The following ARHGAP27 variants were observed in gnomAD, a reference collection of about 807,000 sequenced individuals.
The protein encoded by ARHGAP27 is Rho GTPase activating protein 27.
ARHGAP27 carries 53 observed loss-of-function variants against 102.0 expected under a neutral mutation model. That is an observed-to-expected ratio of 0.52 (90% CI 0.42 to 0.65). ARHGAP27 has a LOEUF of 0.65. ARHGAP27 is among the 30% of genes least tolerant of loss of function. The pLI is 0.00. For synonymous variants in ARHGAP27, 525 were observed against 542.8 expected (o/e 0.97, Z 0.46); for missense variants, 1,117 against 1,256.2 (o/e 0.89, Z 1.68).
chr17:45,406,131 A>T, intron 4 of ARHGAP27, 48 bp from the exon 5 acceptor site: 1 of 1,473,296 alleles, frequency 6.8e-7, no homozygotes, highest in Non-Finnish European at 9.0e-7. Context: ...AACCTTCCAA[A>T]ATGGTAACAG....
intron 4 of ARHGAP27, among the ~76,000 whole-genome samples, chr17:45,428,215 C>T (rs1489507262): frequency 6.6e-6 from 1 of 152,264 alleles, no homozygotes; most frequent in South Asian, 2.1e-4. Context: ...CGCCGGGTGC[C>T]GTTCCCCACC....
chr17:45,416,680 T>A (rs1276411232), intron 4 of ARHGAP27, among the ~76,000 whole-genome samples: 1 of 151,414 alleles, frequency 6.6e-6, no homozygotes, highest in African/African-American at 2.4e-5. Context: ...CCAGAGTAGC[T>A]GGGATCACAG....
At chr17:45,398,366 C>A (rs1017303810) in intron 12 of ARHGAP27, among the ~76,000 whole-genome samples, 5 of 152,220 alleles carry the variant, frequency 3.3e-5, no homozygotes, top group African/African-American at 1.2e-4. Context: ...TTCCCTCCCC[C>A]ATCCTGCCTC....
intron 11 of ARHGAP27, 39 bp downstream of exon 11, chr17:45,403,580 G>A: frequency 6.8e-7 from 1 of 1,461,368 alleles, no homozygotes; most frequent in Non-Finnish European, 9.3e-7. Flanking sequence ...ATAAAAAAAA[G>A]CAGATGGGAT....
intron 3 of ARHGAP27, among the ~76,000 whole-genome samples, chr17:45,431,419 G>T (rs2050052478): frequency 6.6e-6 from 1 of 152,256 alleles, no homozygotes; most frequent in Non-Finnish European, 1.5e-5. Context: ...CGAGGCAGAG[G>T]AGCAGGTTCC....
chr17:45,407,865 C>T (rs1010119802), intron 4 of ARHGAP27: 5 of 152,218 alleles, frequency 3.3e-5, no homozygotes, highest in African/African-American at 7.2e-5. Context: ...AAGCAGATTT[C>T]CACATTTCAA....
At position 45,404,337 on chromosome 17, in the gene ARHGAP27, A is replaced by C; in HGVS notation, c.1414-3T>G. 1 of 1,613,874 alleles carries C rather than the reference A, an allele frequency of 6.2e-7. No homozygotes were observed. Among genetic ancestry groups the C allele is most frequent in the Non-Finnish European group, 8.5e-7 (1 of 1,179,896 alleles). ...ACCTCATCCAGCTCTGCTGGGACCT[A>C]TGGGGGAAGACAGATAGATCCCACC... On this transcript the variant is annotated splice_polypyrimidine_tract_variant and splice_region_variant and intron_variant, in intron 8 of 19. Coordinates refer to ENST00000685559, the MANE Select transcript of ARHGAP27 (RefSeq NM_001282290.2).
intron 1 of ARHGAP27, 146 bp downstream of exon 1, chr17:45,432,606 G>T (rs1242545130): frequency 6.6e-6 from 1 of 152,074 alleles, no homozygotes; most frequent in Non-Finnish European, 1.5e-5. Context: ...GGAGACAAGG[G>T]GAGCAGGCGC....
chr17:45,415,755 G>A (rs979659042), intron 4 of ARHGAP27, among the ~76,000 whole-genome samples: 2 of 152,164 alleles, frequency 1.3e-5, no homozygotes, highest in African/African-American at 4.8e-5. Flanking sequence ...CTGCAAGGAA[G>A]CAAATAGACA....
At position 45,428,286 on chromosome 17, in the gene ARHGAP27, G is replaced by A. The variant is rs531237966; in HGVS notation, c.657+1337C>T. Among the ~76,000 whole-genome samples, 92 of 152,356 alleles carry A rather than the reference G, an allele frequency of 6.0e-4. No individual in the cohort carries two copies. The South Asian group carries it at 0.014, about 23-fold the overall frequency. ...CTGAGTGAAGGCGGCGGAGACCCAG[G>A]GAAGCCAAACCAGGACTACCCAGAC... is the stretch of plus-strand genomic sequence containing the variant. On this transcript the variant is annotated intron_variant, in intron 4 of 19. Transcript: ENST00000685559.
intron 11 of ARHGAP27, among the ~76,000 whole-genome samples, chr17:45,403,289 G>A (rs996639134): frequency 4.6e-5 from 7 of 152,222 alleles, no homozygotes; most frequent in Non-Finnish European, 1.0e-4. Flanking sequence ...GCTGGGCACA[G>A]TGGCTCACGC....
At chr17:45,418,187 C>T (rs903212392) in intron 4 of ARHGAP27, among the ~76,000 whole-genome samples, 6 of 150,524 alleles carry the variant, frequency 4.0e-5, no homozygotes, top group Non-Finnish European at 7.4e-5. Context: ...TCAAGCAGTC[C>T]TCCCGCTTCG....
intron 4 of ARHGAP27, chr17:45,429,344 G>T (rs2049871688): frequency 1.8e-6 from 2 of 1,105,684 alleles, no homozygotes; most frequent in African/African-American, 1.7e-5. Context: ...ACCATCAGCA[G>T]CCTCACATCA....
At chr17:45,425,260 C>T (rs1165128992) in intron 4 of ARHGAP27, among the ~76,000 whole-genome samples, 1 of 151,950 alleles carries the variant, frequency 6.6e-6, no homozygotes, top group African/African-American at 2.4e-5. Flanking sequence ...GGAGGGAGTA[C>T]GAGCAAGGGG....
intron 4 of ARHGAP27, among the ~76,000 whole-genome samples, chr17:45,426,166 G>T (rs1216401549): frequency 6.6e-6 from 1 of 152,096 alleles, no homozygotes; most frequent in African/African-American, 2.4e-5. Flanking sequence ...GGGTCAGGGG[G>T]CCTGGAACTG....
At chr17:45,402,506 C>T (rs943067050) in intron 12 of ARHGAP27, among the ~76,000 whole-genome samples, 12 of 152,150 alleles carry the variant, frequency 7.9e-5, no homozygotes, top group Non-Finnish European at 8.8e-5. Context: ...CAGTAAGGGT[C>T]CCACAGCACT....
rs2045339885 is a variant in ARHGAP27, at chr17:45,394,126, G to C, written c.*1330C>G. 1 of 152,666 alleles carries C rather than the reference G, an allele frequency of 6.6e-6. No individual in the cohort carries two copies. The highest frequency in any genetic ancestry group is 2.4e-5 in the African/African-American group (1 of 41,472). The allele number at this position is 152,666 out of a possible 1,614,324, so 9.5% of individuals were successfully genotyped here. On this transcript the variant is annotated 3_prime_UTR_variant, in exon 20 of 20. Coordinates refer to ENST00000685559, the MANE Select transcript of ARHGAP27 (RefSeq NM_001282290.2). ...AGAGCACAGCACCTGGCACAGAGGA[G>C]CAGACAATAAATACCGGCTGTGAGA... is the stretch of plus-strand genomic sequence containing the variant.
At position 45,405,800 on chromosome 17, in the gene ARHGAP27, C is replaced by A; in HGVS notation, c.941G>T (p.Arg314Leu). ...EWGQYWDEESRRVFFYNPLTG... is the reference protein window; with the variant it reads ...EWGQYWDEESLRVFFYNPLTG... ...CAGCGGGTTGTAGAAGAACACCCTG[C>A]GGCTCTCCTCATCCCAGTACTGGCC... Residue 314 changes from arginine to leucine, a missense_variant, in exon 5 of 20, where the codon CGC becomes CTC. Physicochemically the swap from Arg to Leu is moderately radical, Grantham distance 102 (BLOSUM62 -2). This residue lies in a region of ARHGAP27 where 610 missense variants were observed against 716.4 expected (regional missense o/e 0.85). Coordinates refer to ENST00000685559, the MANE Select transcript of ARHGAP27 (RefSeq NM_001282290.2). The A allele has an allele frequency of 1.3e-6, 2 of 1,544,800 alleles. No homozygotes were observed. Among genetic ancestry groups the A allele is most frequent in the Non-Finnish European group, 1.7e-6 (2 of 1,150,942 alleles).
chr17:45,405,917 C>T lies in ARHGAP27; in HGVS notation c.824G>A (p.Trp275Ter). 1 of 1,535,972 alleles carries T rather than the reference C, an allele frequency of 6.5e-7. No individual in the cohort carries two copies. Among genetic ancestry groups the T allele is most frequent in the South Asian group, 1.2e-5 (1 of 84,052 alleles). Residue 275 changes from tryptophan to a stop codon, truncating the protein, a stop_gained, in exon 5 of 20, where the codon TGG becomes TAG. Transcript: ENST00000685559. LOFTEE classifies it high-confidence loss of function. ...CTCGGCAGCCTCAAAGGGCGACTCC[C>T]AGGTGGTAACTCCCGTGTCTGGGTT... The part of the protein sequence containing the change: ...YYNPDTGVTT[W>*]ESPFEAAEGA...
Sources: gnomAD v4.1 joint callset for allele counts (sites outside exome capture counted in the v4.1 genomes callset) on GRCh38, gnomAD v4.1.1 for gene constraint, gnomAD v4.1.1 regional missense constraint, MANE v1.5 for transcripts, NCBI Gene and HGNC (gene_info 2026-07-23, HGNC 2026-07-21) for gene names.